CC2D2B: variants seen among roughly 807,000 people sequenced by gnomAD.
CC2D2B encodes protein CC2D2B.
CC2D2B carries 128 observed loss-of-function variants against 161.2 expected under a neutral mutation model. The ratio of observed to expected loss-of-function variants is 0.79; its 90% confidence interval spans 0.69 to 0.92. CC2D2B has a LOEUF of 0.92. Among genes scored for constraint, CC2D2B ranks in the 40% least tolerant of loss-of-function variants. The pLI is 0.00. For synonymous variants in CC2D2B, 391 were observed against 449.8 expected, an observed-to-expected ratio of 0.87 and a Z score of 1.65; for missense variants, 1,173 against 1,375.1, an observed-to-expected ratio of 0.85 and a Z score of 2.32.
At chr10:96,019,078 AT>A in intron 30 of CC2D2B, 124 bp from the exon 31 acceptor site, 1 of 722,838 alleles carries the variant, frequency 1.4e-6, no homozygotes, top group Non-Finnish European at 2.2e-6. Context: ...AAGAGCCGGG[AT>A]TACAGGTATA....
intron 6 of CC2D2B, among the ~76,000 whole-genome samples, chr10:95,937,249 T>C (rs571475519): frequency 8.5e-5 from 13 of 152,240 alleles, no homozygotes; most frequent in African/African-American, 3.1e-4. Context: ...TGTGTGTTTT[T>C]GAAAACTGAG....
chr10:96,007,066 T>G (rs934666289), intron 25 of CC2D2B, among the ~76,000 whole-genome samples: 3 of 152,174 alleles, frequency 2.0e-5, no homozygotes, highest in Non-Finnish European at 4.4e-5. Flanking sequence ...ACATGCCAGT[T>G]TGTTATACAG....
chr10:95,961,145 A>G (rs1590616064), intron 11 of CC2D2B, among the ~76,000 whole-genome samples: 2 of 152,296 alleles, frequency 1.3e-5, no homozygotes, highest in Admixed American at 1.3e-4. Flanking sequence ...TAGCAAGCAC[A>G]ATTATCAAAA....
intron 33 of CC2D2B, among the ~76,000 whole-genome samples, chr10:96,025,909 C>G (rs548354697): frequency 6.6e-6 from 1 of 152,230 alleles, no homozygotes; most frequent in African/African-American, 2.4e-5. Flanking sequence ...CATCTCCCCC[C>G]AGCCCCCCAG....
At chr10:95,951,204 A>G (rs140060053) in intron 10 of CC2D2B, among the ~76,000 whole-genome samples, 2,836 of 151,968 alleles carry the variant, frequency 0.019, 36 homozygotes, top group Middle Eastern at 0.054. Flanking sequence ...TCAGGCTGCA[A>G]TGCAGTGGCT....
Position 96,027,392 on chromosome 10 carries a change from T to G in CC2D2B, c.4125+3T>G, listed in dbSNP as rs1200584198. Reference sequence around the variant, plus strand: ...AAAGAATACTACAATTTTATTGGGTTTGTATATGATTTAATGCATTAATGA... The same window carrying G: ...AAAGAATACTACAATTTTATTGGGTGTGTATATGATTTAATGCATTAATGA... On this transcript the variant is annotated splice_donor_region_variant and intron_variant, in intron 34 of 34. Transcript: ENST00000646931. The G allele has an allele frequency of 6.5e-7, 1 of 1,530,892 alleles. No individual in the cohort carries two copies. The highest frequency in any genetic ancestry group is 8.8e-7 in the Non-Finnish European group (1 of 1,133,720). The allele number at this position is 1,530,892 out of a possible 1,614,324, so 94.8% of individuals were successfully genotyped here.
chr10:95,960,092 G>A (rs1449609934), intron 11 of CC2D2B, among the ~76,000 whole-genome samples: 1 of 152,174 alleles, frequency 6.6e-6, no homozygotes, highest in East Asian at 1.9e-4. Flanking sequence ...AATTGAGCAT[G>A]TGAAGACCCA....
chr10:95,972,222 T>C lies in CC2D2B; in HGVS notation c.1795+6T>C. On this transcript the variant is annotated splice_donor_region_variant and intron_variant, in intron 16 of 34. Coordinates refer to ENST00000646931, the MANE Select transcript of CC2D2B (RefSeq NM_001349008.3). ...CGATGGAGAAGTAGGAAGCAGTGAG[T>C]TTATTAAAAATATTACATTCCCCCT... 1 of 1,231,500 alleles carries C rather than the reference T, an allele frequency of 8.1e-7. No individual in the cohort carries two copies. The highest frequency in any genetic ancestry group is 1.0e-6 in the Non-Finnish European group (1 of 987,518). The allele number at this position is 1,231,500 out of a possible 1,614,324, so 76.3% of individuals were successfully genotyped here. A position where few individuals can be genotyped will look rare whatever the true frequency, so the allele number is the denominator to read the frequency against.
chr10:95,925,063 A>G (rs1203253547), intron 5 of CC2D2B, among the ~76,000 whole-genome samples: 1 of 152,190 alleles, frequency 6.6e-6, no homozygotes, highest in Non-Finnish European at 1.5e-5. Context: ...CTTACTTGGC[A>G]TTACTTTTTA....
chr10:96,001,337 G>A (rs987526124), intron 24 of CC2D2B, among the ~76,000 whole-genome samples: 7 of 152,074 alleles, frequency 4.6e-5, no homozygotes, highest in African/African-American at 7.2e-5. Flanking sequence ...CAGGATTGTC[G>A]TGGATTAGCC....
At chr10:95,993,833 T>A (rs2078056755) in intron 22 of CC2D2B, among the ~76,000 whole-genome samples, 5 of 81,418 alleles carry the variant, frequency 6.1e-5, no homozygotes, top group Admixed American at 3.2e-4. Context: ...ATATAAAGAG[T>A]GTATATATAT....
At chr10:95,939,951 C>T (rs974929730) in intron 9 of CC2D2B, among the ~76,000 whole-genome samples, 3 of 152,056 alleles carry the variant, frequency 2.0e-5, no homozygotes, top group East Asian at 1.9e-4. Context: ...TAAAGAAATA[C>T]CTGAGACTGG....
chr10:95,987,371 T>C (rs1200391572), intron 19 of CC2D2B, among the ~76,000 whole-genome samples: 1 of 152,148 alleles, frequency 6.6e-6, no homozygotes, highest in Non-Finnish European at 1.5e-5. Context: ...ATATAATATT[T>C]TGTTAAATAA....
At chr10:95,932,590 C>T (rs1243176596) in intron 6 of CC2D2B, among the ~76,000 whole-genome samples, 1 of 152,166 alleles carries the variant, frequency 6.6e-6, no homozygotes, top group Non-Finnish European at 1.5e-5. Flanking sequence ...AACAAAATCT[C>T]TCAGCATTTG....
intron 17 of CC2D2B, among the ~76,000 whole-genome samples, chr10:95,977,162 G>T (rs1046717497): frequency 1.2e-4 from 18 of 152,202 alleles, no homozygotes; most frequent in African/African-American, 4.1e-4. Flanking sequence ...CTGAAGTCAG[G>T]AGTTTGAGAC....
Position 95,927,244 on chromosome 10 carries a change from C to T in CC2D2B, c.248C>T (p.Pro83Leu), listed in dbSNP as rs1281844165. ...AATACTGGTTTATCATAGTTGTCTC[C>T]ACAGACTGAAGTCTCATTGGATGAA... ...SEIHQRSKLS[P>L]QTEVSLDESL... The change falls in exon 6 of 35, where the codon CCA becomes CTA. Residue 83 changes from proline (P) to leucine (L), a missense_variant. Coordinates refer to ENST00000646931, the MANE Select transcript of CC2D2B (RefSeq NM_001349008.3). The T allele has an allele frequency of 3.2e-6, 5 of 1,539,342 alleles. No individual in the cohort carries two copies. The South Asian group carries it at 4.8e-5, about 15-fold the overall frequency.
At chr10:95,974,869 C>T (rs1040702206) in intron 17 of CC2D2B, among the ~76,000 whole-genome samples, 5 of 152,224 alleles carry the variant, frequency 3.3e-5, no homozygotes, top group South Asian at 4.1e-4. Context: ...TTGGAGCACA[C>T]GGGATTTTTA....
intron 17 of CC2D2B, among the ~76,000 whole-genome samples, chr10:95,977,032 G>A (rs974680744): frequency 6.6e-6 from 1 of 151,120 alleles, no homozygotes; most frequent in Non-Finnish European, 1.5e-5. Flanking sequence ...TTACAGGCAT[G>A]AGCCACCGCA....
chr10:95,971,485 G>A (rs1160318090), intron 15 of CC2D2B, among the ~76,000 whole-genome samples: 1 of 151,822 alleles, frequency 6.6e-6, no homozygotes, highest in Non-Finnish European at 1.5e-5. Flanking sequence ...TAGAAGACCT[G>A]GGTTTCATGC....
Sources: allele counts gnomAD v4.1 joint callset (sites outside exome capture counted in the v4.1 genomes callset), GRCh38; gene constraint gnomAD v4.1.1; transcripts MANE v1.5; gene names NCBI Gene and HGNC (gene_info 2026-07-23, HGNC 2026-07-21).